DISC1: variants seen among roughly 807,000 people sequenced by gnomAD.
DISC1 encodes the protein DISC1 scaffold protein, also known as disrupted in schizophrenia 1 protein.
In DISC1, 57 loss-of-function variants were observed where a neutral mutation model predicts 84.5. The observed-to-expected ratio is 0.67, with a 90% CI of 0.55 to 0.84. The LOEUF (loss-of-function observed/expected upper bound fraction) is 0.84. Among genes scored for constraint, DISC1 ranks in the 40% least tolerant of loss-of-function variants. The probability of loss-of-function intolerance (pLI) is 0.00; values close to 1 mark genes in which losing one functional copy is unlikely to be tolerated. For missense variants in DISC1, 1,000 were observed against 1,057.8 expected (o/e 0.95, Z 0.76); for synonymous variants, 411 against 415.2 (o/e 0.99, Z 0.12).
In DISC1 at chr1:231,633,748, C is replaced by A. The variant is rs143895060; in HGVS notation, c.67+6814C>A. Among the ~76,000 whole-genome samples, 3 of 152,250 alleles carry A rather than the reference C, an allele frequency of 2.0e-5. No individual in the cohort carries two copies. The East Asian group carries it at 5.8e-4, about 29-fold the overall frequency. ...TTTGACAGGTGGCCTTGCATGGAGA[C>A]TAATCGCTTTCACAGGTTGAAAGGT... On this transcript the variant is annotated intron_variant, in intron 1 of 12. Coordinates refer to ENST00000439617, the MANE Select transcript of DISC1 (RefSeq NM_018662.3).
At chr1:231,693,387 A>G (rs1558344600) in intron 1 of DISC1, among the ~76,000 whole-genome samples, 1 of 152,332 alleles carries the variant, frequency 6.6e-6, no homozygotes, top group Non-Finnish European at 1.5e-5. Context: ...TGTTCAACGA[A>G]TAGCTAGAGT....
chr1:231,890,566 C>T (rs993597944), intron 9 of DISC1, among the ~76,000 whole-genome samples: 1 of 152,098 alleles, frequency 6.6e-6, no homozygotes, highest in Non-Finnish European at 1.5e-5. Flanking sequence ...CCAGGGGCTC[C>T]AGCCCTGGTG....
intron 9 of DISC1, among the ~76,000 whole-genome samples, chr1:231,831,538 G>C (rs1257674759): frequency 2.6e-5 from 4 of 152,004 alleles, no homozygotes; most frequent in African/African-American, 4.8e-5. Flanking sequence ...TGGAGAGCTA[G>C]CTGCTTGTCT....
intron 9 of DISC1, among the ~76,000 whole-genome samples, chr1:231,949,237 G>C (rs1657879773): frequency 6.6e-6 from 1 of 152,152 alleles, no homozygotes; most frequent in African/African-American, 2.4e-5. Context: ...TTAAAGGAGA[G>C]GAGACCTCTG....
intron 1 of DISC1, among the ~76,000 whole-genome samples, chr1:231,692,501 C>T (rs746288218): frequency 1.1e-4 from 16 of 152,216 alleles, no homozygotes; most frequent in Non-Finnish European, 1.9e-4. Context: ...GTGCCATGAT[C>T]GTAGCTCAGT....
chr1:231,902,823 C>T (rs2088296013), intron 9 of DISC1, among the ~76,000 whole-genome samples: 1 of 152,136 alleles, frequency 6.6e-6, no homozygotes, highest in Admixed American at 6.5e-5. Flanking sequence ...GCTCCAAAGT[C>T]TGAAACTTTT....
At chr1:231,963,354 C>T (rs577624406) in intron 10 of DISC1, among the ~76,000 whole-genome samples, 1 of 152,204 alleles carries the variant, frequency 6.6e-6, no homozygotes, top group South Asian at 2.1e-4. Context: ...GCTGATATTT[C>T]ACCATTTTTG....
rs185146371 is a variant in DISC1 at position 231,674,382 on chromosome 1, A to G, written c.68-19444A>G. Reference sequence around the variant, plus strand: ...TGTGGGCAGTCACTGAGCTGTTACTATAACAATATTTGATCCATAGCCATT... The same window carrying G: ...TGTGGGCAGTCACTGAGCTGTTACTGTAACAATATTTGATCCATAGCCATT... On this transcript the variant is annotated intron_variant, in intron 1 of 12. Transcript: ENST00000439617. Among the ~76,000 whole-genome samples the G allele has an allele frequency of 3.9e-5, 6 of 152,346 alleles. No individual in the cohort carries two copies. The East Asian group carries it at 5.8e-4, about 15-fold the overall frequency.
intron 9 of DISC1, among the ~76,000 whole-genome samples, chr1:231,920,031 C>T (rs548366576): frequency 2.6e-5 from 4 of 152,186 alleles, no homozygotes; most frequent in South Asian, 2.1e-4. Context: ...GGGTGTCCCG[C>T]GCATCGTAAG....
rs1391127390 is a variant in DISC1 at position 231,685,362 on chromosome 1, G to T, written c.68-8464G>T. Among the ~76,000 whole-genome samples the T allele has an allele frequency of 2.0e-5, 3 of 152,168 alleles. No homozygotes were observed. In the East Asian group the frequency reaches 5.8e-4, roughly 29 times the overall value. On this transcript the variant is annotated intron_variant, in intron 1 of 12. Transcript: ENST00000439617. Reference sequence around the variant, plus strand: ...ATGAAGATATACCCGAGACTTGGAAGAAAAAGAGGCTTAATTAGACTTACA... The same window carrying T: ...ATGAAGATATACCCGAGACTTGGAATAAAAAGAGGCTTAATTAGACTTACA...
chr1:231,943,151 C>T (rs1462525567), intron 9 of DISC1, among the ~76,000 whole-genome samples: 1 of 152,222 alleles, frequency 6.6e-6, no homozygotes, highest in Non-Finnish European at 1.5e-5. Flanking sequence ...CTAAATATAG[C>T]ATGTTCTATT....
chr1:231,702,814 C>T (rs900976533), intron 3 of DISC1, among the ~76,000 whole-genome samples: 1 of 152,008 alleles, frequency 6.6e-6, no homozygotes, highest in Non-Finnish European at 1.5e-5. Context: ...ATGCTCATTG[C>T]AAGATCTCAC....
At chr1:231,752,528 G>C (rs1456933810) in intron 4 of DISC1, among the ~76,000 whole-genome samples, 2 of 152,118 alleles carry the variant, frequency 1.3e-5, no homozygotes, top group Non-Finnish European at 2.9e-5. Flanking sequence ...CTTCCACCAG[G>C]CCCTGCCTCC....
chr1:231,966,476 C>T (rs1661135573), intron 10 of DISC1, among the ~76,000 whole-genome samples: 1 of 152,132 alleles, frequency 6.6e-6, no homozygotes, highest in Non-Finnish European at 1.5e-5. Flanking sequence ...TAGATGGGTT[C>T]CTGTTGAAAT....
intron 8 of DISC1, among the ~76,000 whole-genome samples, chr1:231,801,535 T>C (rs148287199): frequency 1.3e-5 from 2 of 152,328 alleles, no homozygotes; most frequent in Non-Finnish European, 2.9e-5. Context: ...CTGAGAAAAT[T>C]GGTGAGGCCT....
At chr1:231,917,656 C>G (rs1381282858) in intron 9 of DISC1, among the ~76,000 whole-genome samples, 1 of 152,190 alleles carries the variant, frequency 6.6e-6, no homozygotes, top group Non-Finnish European at 1.5e-5. Context: ...ACACTGCATG[C>G]TAGAGGAAGC....
In DISC1 at chr1:232,038,484, TG is replaced by T. The variant is rs1670654185; in HGVS notation, c.*1654del. 6.6e-6 allele frequency: 1 copy of T among 152,142 alleles called. No homozygotes were observed. The highest frequency in any genetic ancestry group is 6.5e-5 in the Admixed American group (1 of 15,276). 9.4% of individuals were successfully genotyped at this position (152,142 alleles called of 1,614,324 possible). ...ATAATATCTGCTTGGAGAACCACAA[TG>T]CACATTAGCATATTAGTCTGAGAGA... On this transcript the variant is annotated 3_prime_UTR_variant, in exon 13 of 13. Transcript: ENST00000439617.
chr1:231,730,409 A>G (rs949969541), intron 3 of DISC1, among the ~76,000 whole-genome samples: 1 of 152,170 alleles, frequency 6.6e-6, no homozygotes. Flanking sequence ...AGTCACATTG[A>G]CCTTTTATTT....
chr1:231,879,083 G>A (rs776669409), intron 9 of DISC1, among the ~76,000 whole-genome samples: 10 of 149,780 alleles, frequency 6.7e-5, no homozygotes, highest in Non-Finnish European at 7.4e-5. Context: ...GATCAGGAGT[G>A]TTTCCGATTT....
Sources: allele counts gnomAD v4.1 joint callset (sites outside exome capture counted in the v4.1 genomes callset), GRCh38; gene constraint gnomAD v4.1.1; transcripts MANE v1.5; gene names NCBI Gene and HGNC (gene_info 2026-07-23, HGNC 2026-07-21).